ITGAL: variants seen among roughly 807,000 people sequenced by gnomAD.
ITGAL encodes integrin subunit alpha L.
A neutral mutation model predicts 138.4 loss-of-function variants in ITGAL; 68 were observed. The observed-to-expected ratio is 0.49, with a 90% CI of 0.40 to 0.60. ITGAL has a LOEUF of 0.60. Among genes scored for constraint, ITGAL ranks in the 20% least tolerant of loss-of-function variants. ITGAL has a pLI of 0.00. For missense variants in ITGAL, 1,256 were observed against 1,478.6 expected, an observed-to-expected ratio of 0.85 and a Z score of 2.47; for synonymous variants, 561 against 584.3, an observed-to-expected ratio of 0.96 and a Z score of 0.57.
chr16:30,478,484 G>T (rs965369867), intron 4 of ITGAL, among the ~76,000 whole-genome samples: 3 of 151,876 alleles, frequency 2.0e-5, no homozygotes, highest in Non-Finnish European at 4.4e-5. Flanking sequence ...AGATCACGAG[G>T]TTGGGAGATC....
At chr16:30,513,042 A>T (rs1385291579) in intron 24 of ITGAL, among the ~76,000 whole-genome samples, 1 of 152,230 alleles carries the variant, frequency 6.6e-6, no homozygotes, top group East Asian at 1.9e-4. Flanking sequence ...TATGATACTG[A>T]CATGAAATTA....
At position 30,494,433 on chromosome 16, in the gene ITGAL, T is replaced by C. The variant is rs2050771647; in HGVS notation, c.1365+70T>C. ...CACACATCACACTCCCTTCTGTCCTTTGAATGCTCATCCACTTACCATGTG... is the reference window on the plus strand; with the variant it reads ...CACACATCACACTCCCTTCTGTCCTCTGAATGCTCATCCACTTACCATGTG... On this transcript the variant is annotated intron_variant, in intron 12 of 30. Coordinates refer to ENST00000356798, the MANE Select transcript of ITGAL (RefSeq NM_002209.3). The surrounding 1 kb of genome is among the most constrained non-coding windows in gnomAD (Gnocchi z 4.2). 7 of 1,469,348 alleles carry C rather than the reference T, an allele frequency of 4.8e-6. No homozygotes were observed. Among genetic ancestry groups the C allele is most frequent in the Non-Finnish European group, 6.4e-6 (7 of 1,088,854 alleles). The allele number at this position is 1,469,348 out of a possible 1,614,324, so 91.0% of individuals were successfully genotyped here.
rs775640408 is a variant in ITGAL, at chr16:30,474,225, C to A, written c.91C>A (p.Arg31=). ...GGCCTCGAGCTACAACCTGGACGTGCGGGGCGCGCGGAGCTTCTCCCCACC... is the reference window on the plus strand; with the variant it reads ...GGCCTCGAGCTACAACCTGGACGTGAGGGGCGCGCGGAGCTTCTCCCCACC... The part of the protein sequence containing the change: ...APASSYNLDV[R]GARSFSPPRA... The change falls in exon 2 of 31, where the codon CGG becomes AGG. Residue 31 remains arginine, a synonymous_variant. Transcript: ENST00000356798. The A allele has an allele frequency of 1.2e-6, 2 of 1,607,836 alleles. No individual in the cohort carries two copies. Among genetic ancestry groups the A allele is most frequent in the South Asian group, 1.1e-5 (1 of 90,260 alleles).
chr16:30,516,920 G>T, intron 25 of ITGAL, 53 bp from the exon 26 acceptor site: 1 of 1,250,034 alleles, frequency 8.0e-7, no homozygotes, highest in Non-Finnish European at 1.2e-6. Flanking sequence ...GGTCTGGGGG[G>T]CAGCTGGGGT....
In ITGAL at chr16:30,521,916, C is replaced by T. The variant is rs1321650632; in HGVS notation, c.*251C>T. 1 of 451,622 alleles carries T rather than the reference C, an allele frequency of 2.2e-6. No individual in the cohort carries two copies. The highest frequency in any genetic ancestry group is 3.8e-5 in the Admixed American group (1 of 26,366). 28.0% of individuals were successfully genotyped at this position (451,622 alleles called of 1,614,324 possible). On this transcript the variant is annotated 3_prime_UTR_variant, in exon 31 of 31. Transcript: ENST00000356798. ...TGTCATTACCAGACGGTTCACCAGCCTCTCTTGGTTTCCTTCCTTGGAAGA... is the reference window on the plus strand; with the variant it reads ...TGTCATTACCAGACGGTTCACCAGCTTCTCTTGGTTTCCTTCCTTGGAAGA...
At chr16:30,506,637 G>T in intron 20 of ITGAL, 78 bp from the exon 21 acceptor site, 1 of 927,698 alleles carries the variant, frequency 1.1e-6, no homozygotes, top group Admixed American at 3.0e-5. Flanking sequence ...ATTTCTTTCT[G>T]GCCCACCAGA....
At chr16:30,488,907 C>T in intron 9 of ITGAL, 175 bp from the exon 10 acceptor site, 1 of 616,912 alleles carries the variant, frequency 1.6e-6, no homozygotes, top group Non-Finnish European at 3.0e-6. Flanking sequence ...TCTGGGACTC[C>T]CAGGGTAAAA....
At chr16:30,474,132 C>A in intron 1 of ITGAL, 64 bp from the exon 2 acceptor site, 1 of 1,276,088 alleles carries the variant, frequency 7.8e-7, no homozygotes, top group Non-Finnish European at 1.1e-6. Context: ...GGATCGGCCA[C>A]CTGCTGGGCA....
rs2051192313 is a variant in ITGAL at position 30,517,820 on chromosome 16, C to A, written c.3057C>A (p.Phe1019Leu). The change falls in exon 28 of 31, where the codon TTC becomes TTA. Residue 1019 changes from phenylalanine to leucine, a missense_variant. Phe to Leu is a conservative substitution (Grantham distance 22). Transcript: ENST00000356798. ...AGCCTTGTCTCCCCGGAGCCCTGTT[C>A]CGCTGCCCTGTTGTCTTCAGGCAGG... ...AAEPCLPGALFRCPVVFRQEI... is the reference protein window; with the variant it reads ...AAEPCLPGALLRCPVVFRQEI... 1.2e-6 allele frequency: 2 copies of A among 1,614,168 alleles called. No individual in the cohort carries two copies. Among genetic ancestry groups the A allele is most frequent in the South Asian group, 1.1e-5 (1 of 91,078 alleles).
intron 11 of ITGAL, among the ~76,000 whole-genome samples, chr16:30,493,731 A>G (rs1034382528): frequency 2.6e-5 from 4 of 152,148 alleles, no homozygotes; most frequent in Middle Eastern, 6.3e-3. Flanking sequence ...TTCTACTAAA[A>G]ATACAAAAAA....
At position 30,474,258 on chromosome 16, in the gene ITGAL, G is replaced by A. The variant is rs1006417970; in HGVS notation, c.124G>A (p.Gly42Arg). 2.5e-6 allele frequency: 4 copies of A among 1,609,546 alleles called. No homozygotes were observed. Among genetic ancestry groups the A allele is most frequent in the African/African-American group, 1.3e-5 (1 of 74,984 alleles). ...GARSFSPPRA[G>R]RHFGYRVLQV... Reference sequence around the variant, plus strand: ...GCGGAGCTTCTCCCCACCGCGCGCCGGGAGGCACTTTGGATACCGCGTCCT... The same window carrying A: ...GCGGAGCTTCTCCCCACCGCGCGCCAGGAGGCACTTTGGATACCGCGTCCT... Residue 42 changes from glycine (G) to arginine (R), a missense_variant, in exon 2 of 31, where the codon GGG becomes AGG. By Grantham distance (125) the Gly-to-Arg change is moderately radical. Coordinates refer to ENST00000356798, the MANE Select transcript of ITGAL (RefSeq NM_002209.3).
chr16:30,484,833 C>T (rs554146083), intron 9 of ITGAL, among the ~76,000 whole-genome samples: 5 of 151,944 alleles, frequency 3.3e-5, no homozygotes, highest in African/African-American at 4.8e-5. Context: ...GCAGGAGAAT[C>T]GCTTGAACCC....
Position 30,521,486 on chromosome 16 carries a change from G to C in ITGAL, c.3340-6G>C, listed in dbSNP as rs1196552478. On this transcript the variant is annotated splice_region_variant and splice_polypyrimidine_tract_variant and intron_variant, in intron 30 of 30. Transcript: ENST00000356798. ...CTTTGCTCGTTCAAATTTTGTCTTT[G>C]TACAGGTTGGTTTCTTCAAACGGAA... is the stretch of plus-strand genomic sequence containing the variant. 1.2e-6 allele frequency: 2 copies of C among 1,613,140 alleles called. No homozygotes were observed. Among genetic ancestry groups the C allele is most frequent in the Non-Finnish European group, 1.7e-6 (2 of 1,179,478 alleles).
chr16:30,481,585 G>T lies in ITGAL; in HGVS notation c.722+1G>T. The T allele has an allele frequency of 6.2e-7, 1 of 1,613,362 alleles. No individual in the cohort carries two copies. Among genetic ancestry groups the T allele is most frequent in the Non-Finnish European group, 8.5e-7 (1 of 1,179,746 alleles). On this transcript the variant is annotated splice_donor_variant, in intron 7 of 30. Transcript: ENST00000356798. LOFTEE classifies it high-confidence loss of function. The stretch of plus-strand genomic sequence containing the variant: ...CCTTTGGTGCCATCAATTATGTCGC[G>T]TGAGTTCCCTTTTGCAGGAGAGCAC...
intron 24 of ITGAL, 117 bp from the exon 25 acceptor site, chr16:30,513,654 G>T: frequency 5.4e-6 from 4 of 734,620 alleles, no homozygotes; most frequent in Non-Finnish European, 9.7e-6. Flanking sequence ...TTGTGGTAGG[G>T]ATTGAATGAG....
At chr16:30,497,308 A>G (rs1037927842) in intron 15 of ITGAL, among the ~76,000 whole-genome samples, 1 of 150,024 alleles carries the variant, frequency 6.7e-6, no homozygotes, top group South Asian at 2.1e-4. Flanking sequence ...GCGCCCCTGC[A>G]CTCCAGCCTG....
intron 11 of ITGAL, among the ~76,000 whole-genome samples, chr16:30,492,392 A>G (rs925512182): frequency 1.3e-5 from 2 of 151,632 alleles, no homozygotes; most frequent in Non-Finnish European, 2.9e-5. Flanking sequence ...CCGGGACTAC[A>G]GGTGCCCGCC....
intron 15 of ITGAL, among the ~76,000 whole-genome samples, chr16:30,496,808 A>ATT (rs11432747): frequency 0.081 from 11,110 of 137,786 alleles, 532 homozygotes; most frequent in Non-Finnish European, 0.11. Flanking sequence ...CACCTGGCTA[A>ATT]TTTTTTTTTT....
chr16:30,499,327 G>T lies in ITGAL; in HGVS notation c.1994-11G>T, dbSNP rs770981986. ...CCACCATTTAACTCTTGCCTTTTCCGCCCTGCCCAGGCCGCCTGGTTGCCA... is the reference window on the plus strand; with the variant it reads ...CCACCATTTAACTCTTGCCTTTTCCTCCCTGCCCAGGCCGCCTGGTTGCCA... On this transcript the variant is annotated splice_polypyrimidine_tract_variant and intron_variant, in intron 16 of 30. Coordinates refer to ENST00000356798, the MANE Select transcript of ITGAL (RefSeq NM_002209.3). The T allele has an allele frequency of 7.4e-6, 12 of 1,613,896 alleles. No homozygotes were observed. In the South Asian group the frequency reaches 1.3e-4, roughly 18 times the overall value.
Sources: allele counts gnomAD v4.1 joint callset (sites outside exome capture counted in the v4.1 genomes callset), GRCh38; gene constraint gnomAD v4.1.1; non-coding constraint Gnocchi (gnomAD v3.1); transcripts MANE v1.5; gene names NCBI Gene and HGNC (gene_info 2026-07-23, HGNC 2026-07-21).